Variants in RGS22 observed in about 807,000 individuals in gnomAD.
RGS22 encodes regulator of G-protein signaling 22.
Under a neutral mutation model 172.9 loss-of-function variants are expected in RGS22, and 148 were observed. The ratio of observed to expected loss-of-function variants is 0.86; its 90% CI spans 0.75 to 0.98. RGS22 has a LOEUF of 0.98. Among genes scored for constraint, RGS22 ranks in the 50% least tolerant of loss-of-function variants. The pLI, the probability that RGS22 is intolerant of heterozygous loss-of-function variation, is 0.00. For missense variants in RGS22, 1,347 were observed against 1,440.8 expected (o/e 0.93, Z 1.05); for synonymous variants, 458 against 480.2 (o/e 0.95, Z 0.60).
At chr8:100,056,794 T>C (rs988538659) in intron 9 of RGS22, among the ~76,000 whole-genome samples, 3 of 152,156 alleles carry the variant, frequency 2.0e-5, no homozygotes, top group Non-Finnish European at 4.4e-5. Flanking sequence ...GGGGCACTCA[T>C]GGAGAACCTC....
In RGS22 at chr8:100,061,053, C is replaced by A. The variant is rs1175201269; in HGVS notation, c.1514+1538G>T. Among the ~76,000 whole-genome samples the A allele has an allele frequency of 2.6e-5, 4 of 152,106 alleles. No homozygotes were observed. The East Asian group carries it at 7.7e-4, about 29-fold the overall frequency. On this transcript the variant is annotated intron_variant, in intron 9 of 27. Coordinates refer to ENST00000360863, the MANE Select transcript of RGS22 (RefSeq NM_015668.5). The stretch of plus-strand genomic sequence containing the variant: ...TGATCTTTGAAAAACCCAACAAAAA[C>A]AAGCAATGGGGAAAGAATTCCCTAT...
At chr8:99,967,881 G>C (rs560314994) in intron 23 of RGS22, among the ~76,000 whole-genome samples, 121 of 152,316 alleles carry the variant, frequency 7.9e-4, no homozygotes, top group Non-Finnish European at 9.0e-4. Context: ...CTCGAGCTCT[G>C]CTAAGGGACA....
At chr8:100,077,232 CTT>C (rs1399370383) in intron 4 of RGS22, among the ~76,000 whole-genome samples, 2 of 151,878 alleles carry the variant, frequency 1.3e-5, no homozygotes, top group Admixed American at 6.6e-5. Flanking sequence ...ATTTTTCTCT[CTT>C]GTTTTTCTGT....
At chr8:100,028,125 T>G (rs1563635949) in intron 14 of RGS22, among the ~76,000 whole-genome samples, 1 of 152,170 alleles carries the variant, frequency 6.6e-6, no homozygotes, top group Non-Finnish European at 1.5e-5. Flanking sequence ...GCCTTGTCTG[T>G]GCCTTGTGGG....
intron 6 of RGS22, among the ~76,000 whole-genome samples, chr8:100,068,803 A>C (rs1810727498): frequency 6.6e-6 from 1 of 151,644 alleles, no homozygotes; most frequent in Non-Finnish European, 1.5e-5. Flanking sequence ...GAGTGGTGGC[A>C]TATGCCTGTA....
chr8:100,029,984 T>C (rs946978467), intron 14 of RGS22, among the ~76,000 whole-genome samples: 1 of 152,050 alleles, frequency 6.6e-6, no homozygotes, highest in Non-Finnish European at 1.5e-5. Flanking sequence ...TGAAAAACAG[T>C]ACAAAGAAAA....
At chr8:100,101,665 T>C (rs928586448) in intron 2 of RGS22, among the ~76,000 whole-genome samples, 2 of 151,784 alleles carry the variant, frequency 1.3e-5, no homozygotes, top group African/African-American at 4.8e-5. Flanking sequence ...TACACCTAGG[T>C]AAAAAATTAA....
At chr8:99,963,045 TGTC>T (rs1810381667) in intron 24 of RGS22, 67 bp from the exon 25 acceptor site, 3 of 1,282,218 alleles carry the variant, frequency 2.3e-6, no homozygotes, top group Non-Finnish European at 3.2e-6. Context: ...GAAGATAAGA[TGTC>T]TTCTATCAGC....
chr8:100,031,644 T>C (rs1818823559), intron 14 of RGS22, among the ~76,000 whole-genome samples: 1 of 152,084 alleles, frequency 6.6e-6, no homozygotes, highest in Admixed American at 6.6e-5. Context: ...TATTTAAATA[T>C]CATTATGTAT....
chr8:100,072,941 AG>A (rs1468922868), intron 4 of RGS22, among the ~76,000 whole-genome samples: 1 of 152,188 alleles, frequency 6.6e-6, no homozygotes. Flanking sequence ...AGAGGTAGAA[AG>A]GGTCATGATT....
chr8:99,972,314 G>A (rs956757585), intron 23 of RGS22, among the ~76,000 whole-genome samples: 7 of 152,078 alleles, frequency 4.6e-5, no homozygotes, highest in Non-Finnish European at 8.8e-5. Flanking sequence ...GAAAACCTAG[G>A]CAATACCATT....
intron 9 of RGS22, among the ~76,000 whole-genome samples, chr8:100,056,227 A>C (rs567797165): frequency 6.6e-6 from 1 of 152,034 alleles, no homozygotes; most frequent in East Asian, 1.9e-4. Context: ...AACTTGAGAG[A>C]GATGATTTAG....
At chr8:99,980,018 T>C (rs898735628) in intron 22 of RGS22, among the ~76,000 whole-genome samples, 2 of 151,680 alleles carry the variant, frequency 1.3e-5, no homozygotes, top group Non-Finnish European at 1.5e-5. Context: ...TGGCAGGGAG[T>C]GGTAAAAGAT....
chr8:100,096,429 G>T (rs1304944426), intron 2 of RGS22, among the ~76,000 whole-genome samples: 1 of 152,120 alleles, frequency 6.6e-6, no homozygotes, highest in African/African-American at 2.4e-5. Flanking sequence ...GTTTTTTCAT[G>T]TATTACAGGT....
chr8:100,053,799 CTAATTTTTTG>C (rs980049527), intron 9 of RGS22, among the ~76,000 whole-genome samples: 1 of 151,926 alleles, frequency 6.6e-6, no homozygotes, highest in African/African-American at 2.4e-5. Flanking sequence ...CCATGCCCGG[CTAATTTTTTG>C]TATTTTTAGT....
intron 4 of RGS22, among the ~76,000 whole-genome samples, chr8:100,075,261 C>T (rs1811268724): frequency 6.6e-6 from 1 of 152,124 alleles, no homozygotes; most frequent in African/African-American, 2.4e-5. Context: ...TCATGAATGT[C>T]TTGGTGTCCT....
chr8:100,064,205 C>T (rs539244528), intron 7 of RGS22, among the ~76,000 whole-genome samples, 162 bp from the exon 8 acceptor site: 9 of 152,110 alleles, frequency 5.9e-5, no homozygotes, highest in African/African-American at 9.7e-5. Context: ...CGGTGGCTCA[C>T]GCCTGTCATC....
chr8:100,001,542 T>C (rs1383185728), intron 18 of RGS22, among the ~76,000 whole-genome samples: 2 of 152,086 alleles, frequency 1.3e-5, no homozygotes, highest in East Asian at 1.9e-4. Context: ...CCCAATCTTA[T>C]ATTCTTGCTG....
At chr8:100,030,891 TA>T (rs749661125) in intron 14 of RGS22, among the ~76,000 whole-genome samples, 4 of 152,072 alleles carry the variant, frequency 2.6e-5, no homozygotes, top group African/African-American at 4.8e-5. Flanking sequence ...TTGACAGTAT[TA>T]AAAAAGTAAT....
Sources: allele counts gnomAD v4.1 joint callset (sites outside exome capture counted in the v4.1 genomes callset), GRCh38; gene constraint gnomAD v4.1.1; transcripts MANE v1.5; gene names NCBI Gene and HGNC (gene_info 2026-07-23, HGNC 2026-07-21).